Variants in POU2F1 observed in about 807,000 individuals in gnomAD.
POU2F1 encodes the protein POU class 2 homeobox 1.
In POU2F1, 16 loss-of-function variants were observed where a neutral mutation model predicts 84.9. The observed-to-expected ratio is 0.19, with a 90% CI of 0.13 to 0.29. POU2F1 has a LOEUF of 0.29. Among genes scored for constraint, POU2F1 ranks in the 10% least tolerant of loss-of-function variants. POU2F1 has a pLI of 1.00. For synonymous variants in POU2F1, 368 were observed against 368.3 expected, an observed-to-expected ratio of 1.00 and a Z score of 0.01; for missense variants, 738 against 942.6, an observed-to-expected ratio of 0.78 and a Z score of 2.84.
intron 1 of POU2F1, among the ~76,000 whole-genome samples, chr1:167,327,841 G>C (rs1051048216): frequency 1.3e-5 from 2 of 152,122 alleles, no homozygotes; most frequent in African/African-American, 4.8e-5. Flanking sequence ...AATTACTAGT[G>C]TGACATTGGA....
intron 1 of POU2F1, among the ~76,000 whole-genome samples, chr1:167,313,860 A>G (rs189819920): frequency 1.3e-5 from 2 of 152,338 alleles, no homozygotes; most frequent in Admixed American, 1.3e-4. Flanking sequence ...CCTGTCTACA[A>G]TGTATAAAGA....
intron 1 of POU2F1, among the ~76,000 whole-genome samples, chr1:167,317,854 C>G (rs1408764655): frequency 6.6e-6 from 1 of 152,194 alleles, no homozygotes; most frequent in African/African-American, 2.4e-5. Flanking sequence ...CATGTCTCCC[C>G]TTTTTGTTTT....
At position 167,422,393 on chromosome 1, in the gene POU2F1, C is replaced by G. The variant is rs1385518172; in HGVS notation, c.*6583C>G. 1 of 152,194 alleles carries G rather than the reference C, an allele frequency of 6.6e-6. No homozygotes were observed. Among genetic ancestry groups the G allele is most frequent in the Non-Finnish European group, 1.5e-5 (1 of 68,030 alleles). The allele number at this position is 152,194 out of a possible 1,614,324, so 9.4% of individuals were successfully genotyped here. A position where few individuals can be genotyped will look rare whatever the true frequency, so the allele number is the denominator to read the frequency against. On this transcript the variant is annotated 3_prime_UTR_variant, in exon 16 of 16. Transcript: ENST00000367866. ...GTTACTGAATGTTGTGCTAATAACACAACACTTTAAAACCTTACTTACTTT... is the reference window on the plus strand; with the variant it reads ...GTTACTGAATGTTGTGCTAATAACAGAACACTTTAAAACCTTACTTACTTT...
At chr1:167,243,092 T>C (rs1220351196) in intron 1 of POU2F1, among the ~76,000 whole-genome samples, 1 of 152,226 alleles carries the variant, frequency 6.6e-6, no homozygotes, top group Non-Finnish European at 1.5e-5. Flanking sequence ...AACTATATGC[T>C]CATCTCTTTC....
intron 2 of POU2F1, among the ~76,000 whole-genome samples, chr1:167,354,314 CAG>C (rs1482659946): frequency 6.6e-6 from 1 of 151,864 alleles, no homozygotes; most frequent in Non-Finnish European, 1.5e-5. Flanking sequence ...TATTTTTTGA[CAG>C]AGTCTCACTC....
At chr1:167,322,686 G>A (rs1656406765) in intron 1 of POU2F1, among the ~76,000 whole-genome samples, 1 of 152,190 alleles carries the variant, frequency 6.6e-6, no homozygotes, top group African/African-American at 2.4e-5. Flanking sequence ...AATATAGAGT[G>A]CAGAGTGGGA....
rs1451324635 is a variant in POU2F1, at chr1:167,416,201, C to T, written c.*391C>T. On this transcript the variant is annotated 3_prime_UTR_variant, in exon 16 of 16. Coordinates refer to ENST00000367866, the MANE Select transcript of POU2F1 (RefSeq NM_002697.4). ...ACAAGTTAAGGTGGGTTACCAATTC[C>T]AATATAGGAAGGGGATTTCTTGTTT... 4 of 313,392 alleles carry T rather than the reference C, an allele frequency of 1.3e-5. No homozygotes were observed. Among genetic ancestry groups the T allele is most frequent in the South Asian group, 8.9e-5 (3 of 33,756 alleles). 19.4% of individuals were successfully genotyped at this position (313,392 alleles called of 1,614,324 possible).
intron 1 of POU2F1, among the ~76,000 whole-genome samples, chr1:167,253,938 C>T (rs984914879): frequency 1.3e-5 from 2 of 152,162 alleles, no homozygotes; most frequent in Non-Finnish European, 2.9e-5. Context: ...GAGGCAACTT[C>T]AGGAATACCC....
In POU2F1 at chr1:167,397,598, T is replaced by C. The variant is rs1477704421; in HGVS notation, c.1130-396T>C. ...TCTCACTCTGTTGTCCAGGCTGGAG[T>C]GCAGTGGCACCATCTCAGGTCACTG... On this transcript the variant is annotated intron_variant, in intron 10 of 15. Transcript: ENST00000367866. Among the ~76,000 whole-genome samples the C allele has an allele frequency of 2.6e-5, 4 of 152,086 alleles. No homozygotes were observed. In the East Asian group the frequency reaches 7.7e-4, roughly 29 times the overall value.
At position 167,397,979 on chromosome 1, in the gene POU2F1, T is replaced by A; in HGVS notation, c.1130-15T>A. The stretch of plus-strand genomic sequence containing the variant: ...CTCAGCTAATTTTATTTCTGTATTT[T>A]CTTCATTCTTACAGAGAACCTCTCA... On this transcript the variant is annotated splice_polypyrimidine_tract_variant and intron_variant, in intron 10 of 15. Transcript: ENST00000367866. The A allele has an allele frequency of 6.2e-7, 1 of 1,600,546 alleles. No homozygotes were observed.
intron 1 of POU2F1, among the ~76,000 whole-genome samples, chr1:167,262,736 G>A (rs1651664486): frequency 6.6e-6 from 1 of 152,182 alleles, no homozygotes; most frequent in South Asian, 2.1e-4. Flanking sequence ...TAACAAGGGA[G>A]CTGGGCCCTC....
intron 1 of POU2F1, among the ~76,000 whole-genome samples, chr1:167,293,989 C>T (rs1654105789): frequency 6.6e-6 from 1 of 151,844 alleles, no homozygotes; most frequent in Non-Finnish European, 1.5e-5. Context: ...ATCTAAGACT[C>T]AAAACTGGAA....
chr1:167,406,630 A>C (rs1649598202), intron 13 of POU2F1, among the ~76,000 whole-genome samples: 1 of 152,234 alleles, frequency 6.6e-6, no homozygotes, highest in Admixed American at 6.5e-5. Context: ...ATTCACCAAA[A>C]AAAGGTATCT....
intron 13 of POU2F1, among the ~76,000 whole-genome samples, chr1:167,405,182 C>T (rs1243540268): frequency 3.9e-5 from 6 of 152,074 alleles, no homozygotes; most frequent in Non-Finnish European, 7.4e-5. Context: ...ACATGCCCCG[C>T]CCCCAATTCA....
chr1:167,396,675 C>T (rs1006700166), intron 10 of POU2F1: 3 of 407,208 alleles, frequency 7.4e-6, no homozygotes, highest in African/African-American at 4.6e-5. Context: ...TGTATTTGAG[C>T]CAGGATTAGG....
At chr1:167,359,994 G>C (rs12753182) in intron 2 of POU2F1, among the ~76,000 whole-genome samples, 1 of 151,696 alleles carries the variant, frequency 6.6e-6, no homozygotes, top group Admixed American at 6.6e-5. Flanking sequence ...CTTTTGAGAC[G>C]TGTCTGTCTT....
intron 1 of POU2F1, among the ~76,000 whole-genome samples, chr1:167,299,983 G>A (rs575308729): frequency 1.9e-3 from 290 of 152,286 alleles, no homozygotes; most frequent in African/African-American, 6.7e-3. Context: ...TAGCTACTGT[G>A]CACTGTTCAC....
chr1:167,362,428 G>A (rs1659406574), intron 2 of POU2F1, among the ~76,000 whole-genome samples: 1 of 152,214 alleles, frequency 6.6e-6, no homozygotes, highest in Admixed American at 6.5e-5. Flanking sequence ...AGAGACAGGA[G>A]GCACAGCACA....
At chr1:167,307,595 A>G (rs773909967) in intron 1 of POU2F1, among the ~76,000 whole-genome samples, 2 of 152,168 alleles carry the variant, frequency 1.3e-5, no homozygotes, top group Non-Finnish European at 2.9e-5. Context: ...CAAACAACTC[A>G]TCCTGGAACC....
Sources: allele counts gnomAD v4.1 joint callset (sites outside exome capture counted in the v4.1 genomes callset), GRCh38; gene constraint gnomAD v4.1.1; transcripts MANE v1.5; gene names NCBI Gene and HGNC (gene_info 2026-07-23, HGNC 2026-07-21).